HTR1D: variants seen among roughly 807,000 people sequenced by gnomAD.
HTR1D encodes the protein 5-HT-1D.
Under a neutral mutation model 21.1 loss-of-function variants are expected in HTR1D, and 18 were observed. The ratio of observed to expected loss-of-function variants is 0.85; its 90% CI spans 0.59 to 1.27. The LOEUF is 1.27. Ranked by LOEUF, HTR1D falls within the 50% of genes most tolerant of loss-of-function variation. The pLI, the probability that HTR1D is intolerant of heterozygous loss-of-function variation, is 0.00. For synonymous variants in HTR1D, 196 were observed against 204.4 expected, an observed-to-expected ratio of 0.96 and a Z score of 0.35; for missense variants, 456 against 481.4, an observed-to-expected ratio of 0.95 and a Z score of 0.49.
chr1:23,195,328 A>G (rs1392368920), intron 1 of HTR1D, among the ~76,000 whole-genome samples: 1 of 152,202 alleles, frequency 6.6e-6, no homozygotes, highest in Non-Finnish European at 1.5e-5. Context: ...GGAACGATAA[A>G]GGCCATCAGG....
At position 23,217,274 on chromosome 1, in the gene HTR1D, C is replaced by T. The variant is rs1388847629; in HGVS notation, c.-783+17G>A. Reference sequence around the variant, plus strand: ...GGCCGCTGGGGCCAGGCTGCAGACGCGGCCCCGAGAGCTTACCCGCTGCCC... The same window carrying T: ...GGCCGCTGGGGCCAGGCTGCAGACGTGGCCCCGAGAGCTTACCCGCTGCCC... On this transcript the variant is annotated intron_variant, in intron 1 of 1. Coordinates refer to ENST00000374619, the MANE Select transcript of HTR1D (RefSeq NM_000864.5). This position sits in a 1 kb window ranked among gnomAD's most constrained non-coding sequence, Gnocchi z 4.6. Among the ~76,000 whole-genome samples, 3 of 151,812 alleles carry T rather than the reference C, an allele frequency of 2.0e-5. No homozygotes were observed. The highest frequency in any genetic ancestry group is 4.4e-5 in the Non-Finnish European group (3 of 67,892).
intron 1 of HTR1D, among the ~76,000 whole-genome samples, chr1:23,205,159 G>C (rs942988656): frequency 6.8e-6 from 1 of 148,108 alleles, no homozygotes; most frequent in Non-Finnish European, 1.5e-5. Flanking sequence ...ACCAAACATT[G>C]TATGTTCTCA....
intron 1 of HTR1D, among the ~76,000 whole-genome samples, chr1:23,209,501 G>A (rs1254421183): frequency 6.6e-6 from 1 of 151,758 alleles, no homozygotes; most frequent in Non-Finnish European, 1.5e-5. Context: ...CAGTAGGGGG[G>A]GAGGGCGCTA....
rs953153324 is a variant in HTR1D, at chr1:23,217,002, T to A, written c.-783+289A>T. 6.6e-6 allele frequency among the ~76,000 whole-genome samples: 1 copy of A among 151,878 alleles called. No individual in the cohort carries two copies. Among genetic ancestry groups the A allele is most frequent in the Non-Finnish European group, 1.5e-5 (1 of 67,916 alleles). On this transcript the variant is annotated intron_variant, in intron 1 of 1. Coordinates refer to ENST00000374619, the MANE Select transcript of HTR1D (RefSeq NM_000864.5). This position sits in a 1 kb window ranked among gnomAD's most constrained non-coding sequence, Gnocchi z 4.6. ...CGGGGGTGCTTCCTGCCCCTCCAGTTCTCGCCTGGGCGCTGGGCACCCCCA... is the reference window on the plus strand; with the variant it reads ...CGGGGGTGCTTCCTGCCCCTCCAGTACTCGCCTGGGCGCTGGGCACCCCCA...
At chr1:23,209,290 G>A (rs899240660) in intron 1 of HTR1D, among the ~76,000 whole-genome samples, 7 of 152,128 alleles carry the variant, frequency 4.6e-5, no homozygotes, top group African/African-American at 9.7e-5. Flanking sequence ...GTGAGCTACC[G>A]CACTCAGCCT....
intron 1 of HTR1D, among the ~76,000 whole-genome samples, chr1:23,201,918 C>T (rs1644710683): frequency 6.6e-6 from 1 of 152,158 alleles, no homozygotes; most frequent in Non-Finnish European, 1.5e-5. Context: ...GTCCTTTCAC[C>T]TCCTGGGCCC....
rs1226199245 is a variant in HTR1D, at chr1:23,217,451, C to T, written c.-943G>A. Among the ~76,000 whole-genome samples, 1 of 151,954 alleles carries T rather than the reference C, an allele frequency of 6.6e-6. No individual in the cohort carries two copies. Among genetic ancestry groups the T allele is most frequent in the Non-Finnish European group, 1.5e-5 (1 of 67,916 alleles). On this transcript the variant is annotated 5_prime_UTR_variant, in exon 1 of 2. Coordinates refer to ENST00000374619, the MANE Select transcript of HTR1D (RefSeq NM_000864.5). The surrounding 1 kb of genome is among the most constrained non-coding windows in gnomAD (Gnocchi z 4.6). ...CGGGGCCCTTTCCGGCTCGCGCCCT[C>T]GCGATCCCGCACCTGCCTCCGCCTC...
chr1:23,193,901 C>T lies in HTR1D; in HGVS notation c.319G>A (p.Gly107Ser). 10 of 1,614,136 alleles carry T rather than the reference C, an allele frequency of 6.2e-6. No homozygotes were observed. Among genetic ancestry groups the T allele is most frequent in the Non-Finnish European group, 8.5e-6 (10 of 1,180,032 alleles). Residue 107 changes from glycine to serine, a missense_variant, in exon 2 of 2, where the codon GGC (glycine) becomes AGC (serine). By Grantham distance (56) the Gly-to-Ser change is moderately conservative (BLOSUM62 0). Coordinates refer to ENST00000374619, the MANE Select transcript of HTR1D (RefSeq NM_000864.5). ...AGCCAGATGTCACACAAGATTTGGC[C>T]AAAGTTCCAGGTGTGGGTGATGGTA... ...AYTITHTWNFGQILCDIWLSS... is the reference protein window; with the variant it reads ...AYTITHTWNFSQILCDIWLSS...
chr1:23,211,081 T>C (rs1644751395), intron 1 of HTR1D, among the ~76,000 whole-genome samples: 1 of 152,288 alleles, frequency 6.6e-6, no homozygotes, highest in East Asian at 1.9e-4. Flanking sequence ...ACAATACAGG[T>C]GTGATTCAGA....
At chr1:23,207,161 G>A (rs1444726447) in intron 1 of HTR1D, among the ~76,000 whole-genome samples, 1 of 152,138 alleles carries the variant, frequency 6.6e-6, no homozygotes, top group Non-Finnish European at 1.5e-5. Context: ...GACATTGGGA[G>A]GCCAAGGCAG....
rs1191112565 is a variant in HTR1D, at chr1:23,217,273, G to C, written c.-783+18C>G. Among the ~76,000 whole-genome samples, 1 of 151,726 alleles carries C rather than the reference G, an allele frequency of 6.6e-6. No homozygotes were observed. Among genetic ancestry groups the C allele is most frequent in the Non-Finnish European group, 1.5e-5 (1 of 67,886 alleles). ...CGGCCGCTGGGGCCAGGCTGCAGAC[G>C]CGGCCCCGAGAGCTTACCCGCTGCC... On this transcript the variant is annotated intron_variant, in intron 1 of 1. Transcript: ENST00000374619. The surrounding 1 kb of genome is among the most constrained non-coding windows in gnomAD (Gnocchi z 4.6).
At chr1:23,205,852 T>C (rs1385258286) in intron 1 of HTR1D, among the ~76,000 whole-genome samples, 1 of 152,046 alleles carries the variant, frequency 6.6e-6, no homozygotes, top group Non-Finnish European at 1.5e-5. Context: ...TCTCCATTCA[T>C]TGAATGACTT....
At chr1:23,208,603 A>G (rs985127989) in intron 1 of HTR1D, among the ~76,000 whole-genome samples, 1 of 151,998 alleles carries the variant, frequency 6.6e-6, no homozygotes, top group Non-Finnish European at 1.5e-5. Flanking sequence ...AAGAAAAAAA[A>G]AATTAGCCAG....
chr1:23,209,577 G>T lies in HTR1D; in HGVS notation c.-783+7714C>A, dbSNP rs1434337922. 2.6e-5 allele frequency among the ~76,000 whole-genome samples: 4 copies of T among 152,118 alleles called. No homozygotes were observed. In the East Asian group the frequency reaches 7.7e-4, roughly 29 times the overall value. On this transcript the variant is annotated intron_variant, in intron 1 of 1. Coordinates refer to ENST00000374619, the MANE Select transcript of HTR1D (RefSeq NM_000864.5). ...AGTAAAGTAGTGGCCAACATTTATTGAGAGTTTACTATCTGCCAGGCACTG... is the reference window on the plus strand; with the variant it reads ...AGTAAAGTAGTGGCCAACATTTATTTAGAGTTTACTATCTGCCAGGCACTG...
chr1:23,193,415 C>G lies in HTR1D; in HGVS notation c.805G>C (p.Gly269Arg). The G allele has an allele frequency of 6.2e-7, 1 of 1,614,206 alleles. No individual in the cohort carries two copies. The highest frequency in any genetic ancestry group is 8.5e-7 in the Non-Finnish European group (1 of 1,180,042). Residue 269 changes from glycine to arginine, a missense_variant, in exon 2 of 2, where the codon GGC (glycine) becomes CGC (arginine). Physicochemically the swap from Gly to Arg is moderately radical, Grantham distance 125. Transcript: ENST00000374619. The part of the protein sequence containing the change: ...SLHEGHSHSA[G>R]SPLFFNHVKI... ...ACGTGGTTGAAAAAGAGAGGGGAGC[C>G]AGCCGAGTGCGAGTGCCCCTCATGG...
chr1:23,211,041 A>G (rs1644751257), intron 1 of HTR1D, among the ~76,000 whole-genome samples: 1 of 152,190 alleles, frequency 6.6e-6, no homozygotes, highest in African/African-American at 2.4e-5. Flanking sequence ...CAAACTTGCT[A>G]TTCATCATCT....
In HTR1D at chr1:23,193,849, G is replaced by C. The variant is rs1345365352; in HGVS notation, c.371C>G (p.Ala124Gly). The stretch of plus-strand genomic sequence containing the variant: ...AATGACACAGAGATGCAGGATGGAG[G>C]CTGTGCAGCACGTGATGTCAGAGGA... ...WLSSDITCCT[A>G]SILHLCVIAL... The change falls in exon 2 of 2, where the codon GCC (alanine) becomes GGC (glycine). Residue 124 changes from alanine to glycine, a missense_variant. Coordinates refer to ENST00000374619, the MANE Select transcript of HTR1D (RefSeq NM_000864.5). The C allele has an allele frequency of 6.2e-7, 1 of 1,614,254 alleles. No homozygotes were observed. The highest frequency in any genetic ancestry group is 1.1e-5 in the South Asian group (1 of 91,086).
chr1:23,199,415 CTTT>C (rs71020483), intron 1 of HTR1D, among the ~76,000 whole-genome samples: 9 of 46,310 alleles, frequency 1.9e-4, no homozygotes, highest in African/African-American at 4.4e-4. Context: ...CATGTGTGGT[CTTT>C]TTTTTTTTTT....
At position 23,192,970 on chromosome 1, in the gene HTR1D, CAAG is replaced by C; in HGVS notation, c.*113_*115del. On this transcript the variant is annotated 3_prime_UTR_variant, in exon 2 of 2. Coordinates refer to ENST00000374619, the MANE Select transcript of HTR1D (RefSeq NM_000864.5). The stretch of plus-strand genomic sequence containing the variant: ...AAAAGAACAATTCTGTTGATTGAAC[CAAG>C]ACTCAAGATACCATGAATTAATCCA... The C allele has an allele frequency of 1.6e-6, 1 of 636,328 alleles. No individual in the cohort carries two copies. Among genetic ancestry groups the C allele is most frequent in the South Asian group, 2.8e-5 (1 of 35,134 alleles). 39.4% of individuals were successfully genotyped at this position (636,328 alleles called of 1,614,324 possible).
Sources: gnomAD v4.1 joint callset for allele counts (sites outside exome capture counted in the v4.1 genomes callset) on GRCh38, gnomAD v4.1.1 for gene constraint, Gnocchi (gnomAD v3.1) non-coding constraint, MANE v1.5 for transcripts, NCBI Gene and HGNC (gene_info 2026-07-23, HGNC 2026-07-21) for gene names.